MAZ: variants seen among roughly 807,000 people sequenced by gnomAD.
The protein encoded by MAZ is MYC associated zinc finger protein.
Under a neutral mutation model 32.7 loss-of-function variants are expected in MAZ, and 4 were observed. The ratio of observed to expected loss-of-function variants is 0.12; its 90% confidence interval spans 0.06 to 0.28. The LOEUF is 0.28. MAZ is among the 10% of genes least tolerant of loss of function. The pLI is 1.00. For synonymous variants in MAZ, 510 were observed against 297.6 expected (o/e 1.71, Z -7.35); for missense variants, 763 against 667.2 (o/e 1.14, Z -1.58).
At chr16:29,808,128 T>C (rs1899651475) in intron 2 of MAZ, 102 bp from the exon 3 acceptor site, 1 of 1,144,918 alleles carries the variant, frequency 8.7e-7, no homozygotes, top group South Asian at 1.3e-5. Context: ...CGGCCTGGGC[T>C]CCGGGAGGAG....
At position 29,811,136 on chromosome 16, in the gene MAZ, C is replaced by T. The variant is rs1282966635; in HGVS notation, c.*905C>T. The stretch of plus-strand genomic sequence containing the variant: ...CCACCCCTTCCTTTTGCGCGGACCC[C>T]ATTACAATAAATTTTAAATAAAATC... On this transcript the variant is annotated 3_prime_UTR_variant, in exon 5 of 5. Transcript: ENST00000322945. 1 of 435,034 alleles carries T rather than the reference C, an allele frequency of 2.3e-6. No individual in the cohort carries two copies. The highest frequency in any genetic ancestry group is 2.0e-5 in the African/African-American group (1 of 48,874). 26.9% of individuals were successfully genotyped at this position (435,034 alleles called of 1,614,324 possible).
At chr16:29,809,386 GC>G in intron 4 of MAZ, 2 of 625,322 alleles carry the variant, frequency 3.2e-6, no homozygotes, top group Non-Finnish European at 2.9e-6. Flanking sequence ...GTGTCTACCA[GC>G]CCCAACAGAG....
chr16:29,808,877 C>A, intron 4 of MAZ, 136 bp downstream of exon 4: 1 of 758,822 alleles, frequency 1.3e-6, no homozygotes, highest in African/African-American at 1.8e-5. Context: ...GTCAAGGGAG[C>A]AGCGGGGGGA....
chr16:29,809,151 A>G (rs1243854315), intron 4 of MAZ: 1 of 491,314 alleles, frequency 2.0e-6, no homozygotes, highest in African/African-American at 2.0e-5. Flanking sequence ...GGTAGCAGAG[A>G]AAGCTGCCTT....
upstream of MAZ, chr16:29,806,516 C>T (rs1171423931): frequency 1.8e-6 from 1 of 566,422 alleles, no homozygotes; most frequent in Non-Finnish European, 2.2e-6. Flanking sequence ...CGCTCCGCGG[C>T]CCGCAAGGCG....
At position 29,808,579 on chromosome 16, in the gene MAZ, G is replaced by T; in HGVS notation, c.1117G>T (p.Ala373Ser). ...ERPFKCEKCEAAFATKDRLRA... is the reference protein window; with the variant it reads ...ERPFKCEKCESAFATKDRLRA... ...CCTCCCCCCTCCTCAGAAATGTGAGGCAGCTTTCGCCACGAAGGATCGGCT... is the reference window on the plus strand; with the variant it reads ...CCTCCCCCCTCCTCAGAAATGTGAGTCAGCTTTCGCCACGAAGGATCGGCT... Residue 373 changes from alanine (A) to serine (S), a missense_variant, in exon 4 of 5, where the codon GCA becomes TCA. Physicochemically the swap from Ala to Ser is moderately conservative, Grantham distance 99. Transcript: ENST00000322945. The T allele has an allele frequency of 6.2e-7, 1 of 1,611,198 alleles. No individual in the cohort carries two copies. Among genetic ancestry groups the T allele is most frequent in the Non-Finnish European group, 8.5e-7 (1 of 1,179,054 alleles).
intron 2 of MAZ, 105 bp downstream of exon 2, chr16:29,807,933 G>C (rs1277108591): frequency 2.0e-6 from 3 of 1,511,894 alleles, no homozygotes; most frequent in Non-Finnish European, 2.6e-6. Flanking sequence ...CTGAGGCTGG[G>C]GAAGGGGAGC....
Position 29,810,876 on chromosome 16 carries a change from G to C in MAZ, c.*645G>C. ...AAAGTCAAGGGGAGCAGGAGGAAGA[G>C]CCAGGAGGGCCAGAGGCAGAGAAGA... On this transcript the variant is annotated 3_prime_UTR_variant, in exon 5 of 5. Transcript: ENST00000322945. 1 of 340,416 alleles carries C rather than the reference G, an allele frequency of 2.9e-6. No individual in the cohort carries two copies. The allele number at this position is 340,416 out of a possible 1,614,324, so 21.1% of individuals were successfully genotyped here. A position where few individuals can be genotyped will look rare whatever the true frequency, so the allele number is the denominator to read the frequency against.
At position 29,810,449 on chromosome 16, in the gene MAZ, T is replaced by C. The variant is rs1172254947; in HGVS notation, c.*218T>C. 1 of 715,974 alleles carries C rather than the reference T, an allele frequency of 1.4e-6. No individual in the cohort carries two copies. The highest frequency in any genetic ancestry group is 1.7e-5 in the African/African-American group (1 of 57,398). The allele number at this position is 715,974 out of a possible 1,614,324, so 44.4% of individuals were successfully genotyped here. A position where few individuals can be genotyped will look rare whatever the true frequency, so the allele number is the denominator to read the frequency against. On this transcript the variant is annotated 3_prime_UTR_variant, in exon 5 of 5. Transcript: ENST00000322945. ...TCAGACCTGACCCCACACAAACCTG[T>C]CCCCTCGGTTGTGTTGAAGTCCCCT...
At chr16:29,808,513 A>G in intron 3 of MAZ, 57 bp from the exon 4 acceptor site, 1 of 454,042 alleles carries the variant, frequency 2.2e-6, no homozygotes. Flanking sequence ...CCCCCTCCCC[A>G]GCCCACCAAG....
intron 4 of MAZ, chr16:29,809,208 G>A: frequency 2.0e-6 from 1 of 507,816 alleles, no homozygotes; most frequent in Non-Finnish European, 3.5e-6. Flanking sequence ...GGGCACTGGA[G>A]GGAAGGGGAC....
rs200519536 is a variant in MAZ at position 29,807,316 on chromosome 16, G to T, written c.531G>T (p.Ala177=). 1.2e-6 allele frequency: 2 copies of T among 1,601,110 alleles called. No individual in the cohort carries two copies. The highest frequency in any genetic ancestry group is 1.3e-5 in the African/African-American group (1 of 74,476). ...CGACGGTCGCCGTGGCCCCGGTCGC[G>T]TCTGCCTTGGAGAAGAAGACAAAGA... The part of the protein sequence containing the change: ...PTSTVAVAPV[A]SALEKKTKSK... The change falls in exon 2 of 5, where the codon GCG becomes GCT. Residue 177 remains alanine (A), a synonymous_variant. Coordinates refer to ENST00000322945, the MANE Select transcript of MAZ (RefSeq NM_002383.4).
Position 29,806,529 on chromosome 16 carries a change from CTCT to C in MAZ, c.-171_-169del. ...GGCGCTCCGCGGCCCGCAAGGCGCCCTCTTTTCCTCCCTCCCGCCGGCCGGGGT... is the reference window on the plus strand; with the variant it reads ...GGCGCTCCGCGGCCCGCAAGGCGCCCTTTCCTCCCTCCCGCCGGCCGGGGT... On this transcript the variant is annotated 5_prime_UTR_variant, in exon 1 of 5. Coordinates refer to ENST00000322945, the MANE Select transcript of MAZ (RefSeq NM_002383.4). 1.4e-6 allele frequency: 1 copy of C among 723,462 alleles called. No individual in the cohort carries two copies. Among genetic ancestry groups the C allele is most frequent in the Non-Finnish European group, 1.7e-6 (1 of 599,606 alleles). 44.8% of individuals were successfully genotyped at this position (723,462 alleles called of 1,614,324 possible).
At position 29,806,630 on chromosome 16, in the gene MAZ, C is replaced by T. The variant is rs1899469240; in HGVS notation, c.-72C>T. ...GCCCGGCCGGCCGGGGGCGGCGCCC[C>T]GAGCCCGGGCCCCGCGCGGCCCGCG... On this transcript the variant is annotated 5_prime_UTR_variant, in exon 1 of 5. Transcript: ENST00000322945. 15 of 967,960 alleles carry T rather than the reference C, an allele frequency of 1.5e-5. No individual in the cohort carries two copies. In the South Asian group the frequency reaches 6.0e-4, roughly 39 times the overall value. 60.0% of individuals were successfully genotyped at this position (967,960 alleles called of 1,614,324 possible).
rs1161833929 is a variant in MAZ at position 29,810,465 on chromosome 16, G to A, written c.*234G>A. On this transcript the variant is annotated 3_prime_UTR_variant, in exon 5 of 5. Transcript: ENST00000322945. Reference sequence around the variant, plus strand: ...ACAAACCTGTCCCCTCGGTTGTGTTGAAGTCCCCTGGACAGTGGGCAGGGG... The same window carrying A: ...ACAAACCTGTCCCCTCGGTTGTGTTAAAGTCCCCTGGACAGTGGGCAGGGG... The A allele has an allele frequency of 1.4e-6, 1 of 708,012 alleles. No individual in the cohort carries two copies. Among genetic ancestry groups the A allele is most frequent in the Non-Finnish European group, 2.6e-6 (1 of 390,048 alleles). The allele number at this position is 708,012 out of a possible 1,614,324, so 43.9% of individuals were successfully genotyped here.
intron 3 of MAZ, 60 bp downstream of exon 3, chr16:29,808,353 CTGAG>C: frequency 6.6e-7 from 1 of 1,514,094 alleles, no homozygotes; most frequent in Non-Finnish European, 9.2e-7. Context: ...TGGTAGCTGT[CTGAG>C]TCAGTCTCTC....
Position 29,807,782 on chromosome 16 carries a change from G to A in MAZ, c.997G>A (p.Val333Met), listed in dbSNP as rs1899609004. ...SYHVRSHDGA[V>M]HKPYNCSHCG... ...CCACGTGCGCTCACATGACGGCGCT[G>A]TGCACAAGCCCTACAACTGCTCCCA... Residue 333 changes from valine (V) to methionine (M), a missense_variant, in exon 2 of 5, where the codon GTG becomes ATG. By Grantham distance (21) the Val-to-Met change is conservative. Coordinates refer to ENST00000322945, the MANE Select transcript of MAZ (RefSeq NM_002383.4). 1 of 1,611,750 alleles carries A rather than the reference G, an allele frequency of 6.2e-7. No homozygotes were observed. The highest frequency in any genetic ancestry group is 1.1e-5 in the South Asian group (1 of 91,090).
Position 29,810,191 on chromosome 16 carries a change from T to G in MAZ, c.1394T>G (p.Val465Gly), listed in dbSNP as rs752095106. Reference protein sequence around the residue: ...AVGSLSGAEGVPVSSQPLPSQ... With the variant: ...AVGSLSGAEGGPVSSQPLPSQ... ...GGCTCCCTCTCGGGGGCGGAGGGGG[T>G]GCCTGTGAGCTCTCAGCCACTTCCC... The change falls in exon 5 of 5, where the codon GTG becomes GGG. Residue 465 changes from valine (V) to glycine (G), a missense_variant. Coordinates refer to ENST00000322945, the MANE Select transcript of MAZ (RefSeq NM_002383.4). 5 of 1,603,640 alleles carry G rather than the reference T, an allele frequency of 3.1e-6. No individual in the cohort carries two copies. Among genetic ancestry groups the G allele is most frequent in the African/African-American group, 1.4e-5 (1 of 74,038 alleles).
At position 29,807,896 on chromosome 16, in the gene MAZ, C is replaced by T. The variant is rs748449243; in HGVS notation, c.1043+68C>T. 2.6e-6 allele frequency: 4 copies of T among 1,563,272 alleles called. No individual in the cohort carries two copies. In the Admixed American group the frequency reaches 5.3e-5, roughly 21 times the overall value. ...AGGGACGCGACGGAGGTGGCCTGGC[C>T]GTGGCTGGCGGGGAGGGAGGCGGCT... On this transcript the variant is annotated intron_variant, in intron 2 of 4. Coordinates refer to ENST00000322945, the MANE Select transcript of MAZ (RefSeq NM_002383.4).
Sources: gnomAD v4.1 joint callset for allele counts on GRCh38, gnomAD v4.1.1 for gene constraint, MANE v1.5 for transcripts, NCBI Gene and HGNC (gene_info 2026-07-23, HGNC 2026-07-21) for gene names.